FRK: variants seen among roughly 807,000 people sequenced by gnomAD.
FRK encodes fyn related Src family tyrosine kinase.
Under a neutral mutation model 56.4 loss-of-function variants are expected in FRK, and 51 were observed. The ratio of observed to expected loss-of-function variants is 0.90; its 90% CI spans 0.72 to 1.14. The LOEUF (loss-of-function observed/expected upper bound fraction) is 1.14. Ranked by LOEUF, FRK falls within the 50% of genes most tolerant of loss-of-function variation. The pLI, the probability that FRK is intolerant of heterozygous loss-of-function variation, is 0.00. For synonymous variants in FRK, 245 were observed against 217.9 expected (o/e 1.12, Z -1.10); for missense variants, 570 against 601.4 (o/e 0.95, Z 0.55).
At chr6:115,951,839 AAC>A (rs1772765875) in intron 5 of FRK, among the ~76,000 whole-genome samples, 1 of 152,186 alleles carries the variant, frequency 6.6e-6, no homozygotes, top group African/African-American at 2.4e-5. Flanking sequence ...TAATACAACC[AAC>A]AGAGGTCAAA....
intron 2 of FRK, among the ~76,000 whole-genome samples, chr6:116,000,409 A>T (rs2114686351): frequency 6.6e-6 from 1 of 151,256 alleles, no homozygotes; most frequent in African/African-American, 2.4e-5. Flanking sequence ...TGCCCCATTA[A>T]TTTTTATATT....
chr6:116,083,715 G>A, the FRK span, among the ~76,000 whole-genome samples: 2 of 152,066 alleles, frequency 1.3e-5, no homozygotes, highest in Non-Finnish European at 2.9e-5. Flanking sequence ...CACAAGATAA[G>A]AACCACTGCC....
At chr6:116,036,165 A>C (rs1776473217) in intron 1 of FRK, among the ~76,000 whole-genome samples, 1 of 152,112 alleles carries the variant, frequency 6.6e-6, no homozygotes, top group South Asian at 2.1e-4. Context: ...TCAGCAACTT[A>C]AGAAGAAATG....
chr6:116,092,319 A>C, the FRK span, among the ~76,000 whole-genome samples: 1 of 152,222 alleles, frequency 6.6e-6, no homozygotes, highest in South Asian at 2.1e-4. Context: ...GAAGTAGGAC[A>C]AAAGGCGTCA....
rs971625885 is a variant in FRK at position 115,941,689 on chromosome 6, C to T, written c.*725G>A. On this transcript the variant is annotated 3_prime_UTR_variant, in exon 8 of 8. Transcript: ENST00000606080. ...TCTCACATTTCCATAGATAATAACT[C>T]ATCCGTTTTGCAACCTGATTCTCAA... 6.6e-6 allele frequency: 1 copy of T among 152,068 alleles called. No homozygotes were observed. The highest frequency in any genetic ancestry group is 2.4e-5 in the African/African-American group (1 of 41,412). 9.4% of individuals were successfully genotyped at this position (152,068 alleles called of 1,614,324 possible).
chr6:116,053,678 T>A (rs1031140310), intron 1 of FRK, among the ~76,000 whole-genome samples: 1 of 152,184 alleles, frequency 6.6e-6, no homozygotes, highest in Non-Finnish European at 1.5e-5. Context: ...TAGTTAATGA[T>A]TTATTTCACT....
At chr6:115,961,316 G>A (rs201125152) in intron 4 of FRK, among the ~76,000 whole-genome samples, 7,337 of 73,382 alleles carry the variant, frequency 0.1, no homozygotes, top group Non-Finnish European at 0.12. Flanking sequence ...TGAAATGAAT[G>A]AAATGAAGCA....
At position 115,933,543 on chromosome 6, in the gene FRK, C is replaced by T. The variant is rs114046254; in HGVS notation, c.*8871G>A. 843 of 152,186 alleles carry T rather than the reference C, an allele frequency of 5.5e-3. 5 individuals carry two copies. The highest frequency in any genetic ancestry group is 0.019 in the African/African-American group (786 of 41,518). 9.4% of individuals were successfully genotyped at this position (152,186 alleles called of 1,614,324 possible). On this transcript the variant is annotated 3_prime_UTR_variant, in exon 8 of 8. Coordinates refer to ENST00000606080, the MANE Select transcript of FRK (RefSeq NM_002031.3). ...CAAGAATCAAACACAGTAAGTTAAA[C>T]GGGTATCAGGTGGTATTAAAACAGG...
the FRK span, among the ~76,000 whole-genome samples, chr6:116,087,198 T>G: frequency 1.3e-5 from 2 of 152,376 alleles, 1 homozygote; most frequent in South Asian, 4.1e-4. Context: ...GGCAAGGTAC[T>G]TACTTTGTCT....
At chr6:116,080,000 T>G in the FRK span, among the ~76,000 whole-genome samples, 1 of 152,216 alleles carries the variant, frequency 6.6e-6, no homozygotes, top group Non-Finnish European at 1.5e-5. Flanking sequence ...AAATAAAGGG[T>G]ATATTGACCC....
intron 1 of FRK, among the ~76,000 whole-genome samples, chr6:116,056,142 G>A (rs1777388259): frequency 6.6e-6 from 1 of 151,018 alleles, no homozygotes; most frequent in African/African-American, 2.4e-5. Context: ...TAACACAAAA[G>A]TATGTTAGAC....
rs1181466984 is a variant in FRK, at chr6:115,938,998, A to G, written c.*3416T>C. 6.6e-6 allele frequency: 1 copy of G among 151,826 alleles called. No individual in the cohort carries two copies. The highest frequency in any genetic ancestry group is 1.5e-5 in the Non-Finnish European group (1 of 68,014). The allele number at this position is 151,826 out of a possible 1,614,324, so 9.4% of individuals were successfully genotyped here. A position where few individuals can be genotyped will look rare whatever the true frequency, so the allele number is the denominator to read the frequency against. On this transcript the variant is annotated 3_prime_UTR_variant, in exon 8 of 8. Coordinates refer to ENST00000606080, the MANE Select transcript of FRK (RefSeq NM_002031.3). ...TTTATGAGGCCAGCATCATCCTGAAACCAAAACCTGGCAGAGACACAACAA... is the reference window on the plus strand; with the variant it reads ...TTTATGAGGCCAGCATCATCCTGAAGCCAAAACCTGGCAGAGACACAACAA...
chr6:116,023,825 T>C (rs1775971678), intron 1 of FRK, among the ~76,000 whole-genome samples: 1 of 152,178 alleles, frequency 6.6e-6, no homozygotes, highest in African/African-American at 2.4e-5. Context: ...GATATACATT[T>C]ATCAAATTCC....
chr6:116,090,076 G>C, the FRK span, among the ~76,000 whole-genome samples: 3,482 of 152,204 alleles, frequency 0.023, 136 homozygotes, highest in African/African-American at 0.08. Flanking sequence ...AAAATTTGGG[G>C]CATTCAAATT....
At chr6:116,073,586 C>G in the FRK span, among the ~76,000 whole-genome samples, 1 of 152,046 alleles carries the variant, frequency 6.6e-6, no homozygotes, top group African/African-American at 2.4e-5. Flanking sequence ...AACAAAAGCA[C>G]TAAACATATT....
chr6:116,053,747 C>A (rs1189579490), intron 1 of FRK, among the ~76,000 whole-genome samples: 2 of 152,016 alleles, frequency 1.3e-5, no homozygotes, highest in African/African-American at 4.8e-5. Context: ...CAAAAATAAT[C>A]AATACTTTTA....
At chr6:116,033,959 G>A (rs1262682758) in intron 1 of FRK, among the ~76,000 whole-genome samples, 1 of 152,056 alleles carries the variant, frequency 6.6e-6, no homozygotes, top group Non-Finnish European at 1.5e-5. Context: ...GAAGGAAGAG[G>A]CAAAGCAATG....
At chr6:115,968,773 C>T in intron 2 of FRK, 34 bp from the exon 3 acceptor site, 6 of 1,585,318 alleles carry the variant, frequency 3.8e-6, no homozygotes, top group Non-Finnish European at 5.2e-6. Context: ...TAATAAACTT[C>T]TTGCTAAAAC....
intron 2 of FRK, among the ~76,000 whole-genome samples, chr6:115,996,171 A>G (rs985310470): frequency 6.2e-4 from 94 of 152,234 alleles, no homozygotes; most frequent in African/African-American, 2.0e-3. Flanking sequence ...GTCATTTAAT[A>G]TGTGTCTCTT....
Sources: gnomAD v4.1 joint callset for allele counts (sites outside exome capture counted in the v4.1 genomes callset) on GRCh38, gnomAD v4.1.1 for gene constraint, MANE v1.5 for transcripts, NCBI Gene and HGNC (gene_info 2026-07-23, HGNC 2026-07-21) for gene names.